MICU1: variants seen among roughly 807,000 people sequenced by gnomAD.
MICU1 encodes the protein calcium uptake protein 1, mitochondrial.
Under a neutral mutation model 56.8 loss-of-function variants are expected in MICU1, and 45 were observed. The ratio of observed to expected loss-of-function variants is 0.79; its 90% CI spans 0.62 to 1.02. The LOEUF (loss-of-function observed/expected upper bound fraction) is 1.02. MICU1 is among the 50% of genes least tolerant of loss of function. MICU1 has a pLI of 0.00. For missense variants in MICU1, 504 were observed against 587.1 expected, an observed-to-expected ratio of 0.86 and a Z score of 1.46; for synonymous variants, 186 against 195.1, an observed-to-expected ratio of 0.95 and a Z score of 0.39.
chr10:72,374,634 G>A (rs982126790), intron 11 of MICU1, among the ~76,000 whole-genome samples: 2 of 151,976 alleles, frequency 1.3e-5, no homozygotes, highest in South Asian at 2.1e-4. Flanking sequence ...CAAAAGGGAA[G>A]CTCCATAGGC....
At chr10:72,566,028 GCATT>G in intron 2 of MICU1, among the ~76,000 whole-genome samples, 1 of 141,334 alleles carries the variant, frequency 7.1e-6, no homozygotes, top group East Asian at 2.1e-4. Context: ...GTCTCAGAAA[GCATT>G]CATTTTCTTT....
Position 72,580,421 on chromosome 10 carries a change from G to A in MICU1, c.-1-13627C>T, listed in dbSNP as rs540934917. Reference sequence around the variant, plus strand: ...AATCTCAGCTGTACCACTACTGACTGGAAAGATTTTCATCCAAGCTTTTGC... The same window carrying A: ...AATCTCAGCTGTACCACTACTGACTAGAAAGATTTTCATCCAAGCTTTTGC... On this transcript the variant is annotated intron_variant, in intron 1 of 11. Coordinates refer to ENST00000361114, the MANE Select transcript of MICU1 (RefSeq NM_001195518.2). 2.0e-5 allele frequency among the ~76,000 whole-genome samples: 3 copies of A among 152,006 alleles called. No individual in the cohort carries two copies. The South Asian group carries it at 6.3e-4, about 32-fold the overall frequency.
At chr10:72,478,748 G>T (rs903684689) in intron 6 of MICU1, among the ~76,000 whole-genome samples, 2 of 152,190 alleles carry the variant, frequency 1.3e-5, no homozygotes, top group Admixed American at 1.3e-4. Flanking sequence ...GGTGAATCAT[G>T]TGTGTGTCAG....
At chr10:72,370,825 G>A (rs1862308326) in intron 11 of MICU1, among the ~76,000 whole-genome samples, 1 of 151,204 alleles carries the variant, frequency 6.6e-6, no homozygotes, top group Admixed American at 6.6e-5. Flanking sequence ...AAGGCCCGGA[G>A]TTCAAGACCA....
chr10:72,563,688 A>G (rs997799994), intron 2 of MICU1, among the ~76,000 whole-genome samples: 11 of 152,220 alleles, frequency 7.2e-5, no homozygotes, highest in Non-Finnish European at 1.6e-4. Context: ...ACTGAACTGC[A>G]TATTTTAAAA....
chr10:72,395,457 G>A (rs941836439), intron 10 of MICU1, among the ~76,000 whole-genome samples: 3 of 152,196 alleles, frequency 2.0e-5, no homozygotes, highest in East Asian at 1.9e-4. Flanking sequence ...CCCACGGAGA[G>A]TGAGTCGAAG....
chr10:72,417,815 G>C (rs1278751293), intron 9 of MICU1, among the ~76,000 whole-genome samples: 1 of 152,194 alleles, frequency 6.6e-6, no homozygotes, highest in Non-Finnish European at 1.5e-5. Flanking sequence ...TCGAGCAGTG[G>C]CTCATAAGCC....
chr10:72,607,233 C>A (rs557798852), intron 1 of MICU1, among the ~76,000 whole-genome samples: 2 of 150,928 alleles, frequency 1.3e-5, no homozygotes, highest in Non-Finnish European at 2.9e-5. Flanking sequence ...CCCAGCTACT[C>A]GGGAGGCTGA....
rs879349260 is a variant in MICU1 at position 72,616,588 on chromosome 10, A to T, written c.-2+9422T>A. Reference sequence around the variant, plus strand: ...GGCAACAAGAGCGAAACTCCATCTAAAAAAAAAAAAAAAAAGACTCTACAT... The same window carrying T: ...GGCAACAAGAGCGAAACTCCATCTATAAAAAAAAAAAAAAAGACTCTACAT... On this transcript the variant is annotated intron_variant, in intron 1 of 11. Coordinates refer to ENST00000361114, the MANE Select transcript of MICU1 (RefSeq NM_001195518.2). 5.5e-3 allele frequency among the ~76,000 whole-genome samples: 795 copies of T among 145,538 alleles called. 6 individuals carry two copies. The highest frequency in any genetic ancestry group is 0.011 in the Middle Eastern group (3 of 284).
At position 72,418,339 on chromosome 10, in the gene MICU1, G is replaced by C. The variant is rs149326444; in HGVS notation, c.1071+4895C>G. The stretch of plus-strand genomic sequence containing the variant: ...GCCTCTGATTTAATTGATTTGAAGA[G>C]GGCCCAAACAACCACATTCCTTAAA... On this transcript the variant is annotated intron_variant, in intron 9 of 11. Transcript: ENST00000361114. Among the ~76,000 whole-genome samples the C allele has an allele frequency of 2.7e-3, 418 of 152,246 alleles. 1 individual carries two copies. The highest frequency in any genetic ancestry group is 0.025 in the Admixed American group (386 of 15,280).
intron 6 of MICU1, among the ~76,000 whole-genome samples, chr10:72,488,836 G>C (rs1366986306): frequency 6.6e-6 from 1 of 152,176 alleles, no homozygotes; most frequent in African/African-American, 2.4e-5. Flanking sequence ...GGAGGAATTA[G>C]GATTTGAAAT....
chr10:72,590,127 T>A (rs1388062807), intron 1 of MICU1, among the ~76,000 whole-genome samples: 3 of 152,132 alleles, frequency 2.0e-5, no homozygotes, highest in African/African-American at 4.8e-5. Flanking sequence ...GATTTTTTTT[T>A]AAACATGACT....
intron 10 of MICU1, among the ~76,000 whole-genome samples, chr10:72,406,066 A>G (rs1863620680): frequency 6.6e-6 from 1 of 152,078 alleles, no homozygotes; most frequent in Non-Finnish European, 1.5e-5. Context: ...TTTGAAGATG[A>G]TAGGATTATT....
At chr10:72,458,327 T>C (rs555846954) in intron 8 of MICU1, among the ~76,000 whole-genome samples, 3 of 152,222 alleles carry the variant, frequency 2.0e-5, no homozygotes, top group Non-Finnish European at 4.4e-5. Flanking sequence ...CAATATCCTA[T>C]ATTCAAGGAA....
chr10:72,407,860 G>A lies in MICU1; in HGVS notation c.1180+69C>T, dbSNP rs1863678592. On this transcript the variant is annotated intron_variant, in intron 10 of 11. Transcript: ENST00000361114. ...AACTTATCTTTTACTGTTCAGGAGGGGCAGTCACCTAAGAGATTACAGATC... is the reference window on the plus strand; with the variant it reads ...AACTTATCTTTTACTGTTCAGGAGGAGCAGTCACCTAAGAGATTACAGATC... 113 of 973,674 alleles carry A rather than the reference G, an allele frequency of 1.2e-4. 1 individual carries two copies. The South Asian group carries it at 1.5e-3, about 13-fold the overall frequency. The allele number at this position is 973,674 out of a possible 1,614,324, so 60.3% of individuals were successfully genotyped here.
rs1035676986 is a variant in MICU1 at position 72,475,268 on chromosome 10, A to G, written c.765T>C (p.Ser255=). The part of the protein sequence containing the change: ...QVQSIIRSQT[S]MGMRHRDRPT... The stretch of plus-strand genomic sequence containing the variant: ...GACGATCTCTGTGGCGCATACCCAT[A>G]CTGGTTTGGGAGCGAATGATGCTCT... The change falls in exon 8 of 12, where the codon AGT becomes AGC. Residue 255 remains serine, a synonymous_variant. Transcript: ENST00000361114. 1.2e-6 allele frequency: 2 copies of G among 1,608,406 alleles called. No homozygotes were observed.
intron 3 of MICU1, among the ~76,000 whole-genome samples, chr10:72,554,716 T>C (rs1840115773): frequency 6.6e-6 from 1 of 152,228 alleles, no homozygotes; most frequent in Non-Finnish European, 1.5e-5. Context: ...CAATTATTTT[T>C]TTCAAATACA....
At chr10:72,424,510 G>T (rs375219603) in intron 8 of MICU1, among the ~76,000 whole-genome samples, 55 of 151,708 alleles carry the variant, frequency 3.6e-4, no homozygotes, top group African/African-American at 1.2e-3. Flanking sequence ...AGAGATGGGG[G>T]TCTTGCTATG....
Position 72,586,210 on chromosome 10 carries a change from C to T in MICU1, c.-1-19416G>A, listed in dbSNP as rs532747471. On this transcript the variant is annotated intron_variant, in intron 1 of 11. Coordinates refer to ENST00000361114, the MANE Select transcript of MICU1 (RefSeq NM_001195518.2). ...TATTTTTAGTAGAGATGAGGTCTTGCTATGTTGCTTAAGCTAGTCTCGAAC... is the reference window on the plus strand; with the variant it reads ...TATTTTTAGTAGAGATGAGGTCTTGTTATGTTGCTTAAGCTAGTCTCGAAC... Among the ~76,000 whole-genome samples the T allele has an allele frequency of 1.2e-3, 187 of 151,642 alleles. 1 individual carries two copies. The highest frequency in any genetic ancestry group is 4.1e-3 in the African/African-American group (168 of 41,428).
Sources: allele counts gnomAD v4.1 joint callset (sites outside exome capture counted in the v4.1 genomes callset), GRCh38; gene constraint gnomAD v4.1.1; transcripts MANE v1.5; gene names NCBI Gene and HGNC (gene_info 2026-07-23, HGNC 2026-07-21).